CHODL: variants seen among roughly 807,000 people sequenced by gnomAD.
CHODL encodes chondrolectin.
Under a neutral mutation model 34.5 loss-of-function variants are expected in CHODL, and 29 were observed. The observed-to-expected ratio is 0.84, with a 90% CI of 0.63 to 1.15. The LOEUF is 1.15. CHODL is among the 50% of genes most tolerant of loss of function. The pLI is 0.00. For missense variants in CHODL, 332 were observed against 332.5 expected (o/e 1.00, Z 0.01); for synonymous variants, 125 against 116.1 (o/e 1.08, Z -0.49).
chr21:18,006,732 G>C (rs1646107797), intron 1 of CHODL, among the ~76,000 whole-genome samples: 1 of 152,166 alleles, frequency 6.6e-6, no homozygotes, highest in Non-Finnish European at 1.5e-5. Flanking sequence ...ATCTTTTGAA[G>C]AGATTTCATG....
At chr21:18,225,028 G>A (rs1031763435) in intron 2 of CHODL, among the ~76,000 whole-genome samples, 6 of 152,042 alleles carry the variant, frequency 3.9e-5, no homozygotes, top group African/African-American at 1.2e-4. Flanking sequence ...TTTTCAATAG[G>A]TGTGTTTCCT....
chr21:18,049,732 A>T (rs2064489769), intron 2 of CHODL, among the ~76,000 whole-genome samples: 2 of 151,944 alleles, frequency 1.3e-5, no homozygotes, highest in Non-Finnish European at 1.5e-5. Context: ...TTATAAGAAC[A>T]TCAGTCGGAT....
intron 2 of CHODL, among the ~76,000 whole-genome samples, chr21:18,132,017 G>A (rs1167248388): frequency 1.3e-5 from 2 of 151,954 alleles, no homozygotes; most frequent in Non-Finnish European, 2.9e-5. Context: ...TACAGAAAGA[G>A]CATTTTTCAT....
chr21:18,074,806 A>T (rs547257225), intron 2 of CHODL, among the ~76,000 whole-genome samples: 16 of 152,298 alleles, frequency 1.1e-4, no homozygotes, highest in Non-Finnish European at 1.8e-4. Flanking sequence ...CAAAGTTTAG[A>T]TTAAAAATGT....
chr21:18,092,424 G>A (rs1386234938), intron 2 of CHODL, among the ~76,000 whole-genome samples: 1 of 152,194 alleles, frequency 6.6e-6, no homozygotes, highest in Non-Finnish European at 1.5e-5. Flanking sequence ...CCCAGACAAT[G>A]AAGAATATAT....
At chr21:18,189,172 G>C (rs781184081) in intron 2 of CHODL, among the ~76,000 whole-genome samples, 6 of 152,000 alleles carry the variant, frequency 3.9e-5, no homozygotes, top group Non-Finnish European at 8.8e-5. Flanking sequence ...TCCATTTTGA[G>C]TTGCACAATT....
At chr21:18,073,307 A>G (rs2064827830) in intron 2 of CHODL, among the ~76,000 whole-genome samples, 1 of 152,144 alleles carries the variant, frequency 6.6e-6, no homozygotes. Flanking sequence ...AATGACATCC[A>G]TAAGGTGAAT....
chr21:18,116,721 G>T (rs978165184), intron 2 of CHODL, among the ~76,000 whole-genome samples: 4 of 152,190 alleles, frequency 2.6e-5, no homozygotes, highest in Non-Finnish European at 5.9e-5. Context: ...CCACGCAGTT[G>T]ACATGGGTGC....
intron 1 of CHODL, among the ~76,000 whole-genome samples, chr21:18,023,834 A>G (rs767473991): frequency 6.6e-6 from 1 of 152,126 alleles, no homozygotes; most frequent in Non-Finnish European, 1.5e-5. Context: ...AACAGTATAC[A>G]TATGGCTTTC....
intron 1 of CHODL, among the ~76,000 whole-genome samples, chr21:17,938,362 G>C (rs576357916): frequency 6.9e-6 from 1 of 144,790 alleles, no homozygotes; most frequent in African/African-American, 2.6e-5. Context: ...AGTAGATACA[G>C]TTGAATAAAA....
intron 1 of CHODL, among the ~76,000 whole-genome samples, chr21:17,933,807 A>T (rs8126658): frequency 6.6e-6 from 1 of 151,748 alleles, no homozygotes; most frequent in Non-Finnish European, 1.5e-5. Context: ...TTGGGAGGCC[A>T]AGGTGGGTGC....
At chr21:18,104,986 C>G (rs1315106993) in intron 2 of CHODL, among the ~76,000 whole-genome samples, 5 of 152,146 alleles carry the variant, frequency 3.3e-5, no homozygotes, top group Non-Finnish European at 7.4e-5. Context: ...TTTGGCTGCC[C>G]AGCAGCTGAC....
intron 1 of CHODL, among the ~76,000 whole-genome samples, chr21:17,967,605 T>C (rs1424177636): frequency 2.0e-5 from 3 of 152,228 alleles, no homozygotes; most frequent in African/African-American, 4.8e-5. Flanking sequence ...TGTAGTAACA[T>C]GTTACCTCAA....
chr21:18,100,412 A>G (rs2065198789), intron 2 of CHODL, among the ~76,000 whole-genome samples: 1 of 152,122 alleles, frequency 6.6e-6, no homozygotes, highest in Admixed American at 6.6e-5. Flanking sequence ...AAGTAGGAAT[A>G]TAACTAGACT....
intron 2 of CHODL, among the ~76,000 whole-genome samples, chr21:18,042,398 C>T (rs561628198): frequency 1.3e-5 from 2 of 151,742 alleles, no homozygotes; most frequent in Non-Finnish European, 2.9e-5. Context: ...AAGAGACATG[C>T]TTGGTTTTCA....
At position 18,171,198 on chromosome 21, in the gene CHODL, G is replaced by GTTTTTTTT. The variant is rs1177005708; in HGVS notation, c.-44-85299_-44-85292dup. On this transcript the variant is annotated intron_variant, in intron 2 of 6. Coordinates refer to the CHODL transcript ENST00000400127. ...TGTTCTTCAGACATGGTTTTCTTTA[G>GTTTTTTTT]TTTTTTTTTTTTTTTTTTTGAGACG... 8.1e-5 allele frequency among the ~76,000 whole-genome samples: 3 copies of GTTTTTTTT among 37,080 alleles called. 1 individual carries two copies. Among genetic ancestry groups the GTTTTTTTT allele is most frequent in the African/African-American group, 4.3e-4 (3 of 6,940 alleles). 24.3% of individuals were successfully genotyped at this position (37,080 alleles called of 152,430 possible). A position where few individuals can be genotyped will look rare whatever the true frequency, so the allele number is the denominator to read the frequency against.
chr21:18,166,409 A>G (rs1455637126), intron 2 of CHODL, among the ~76,000 whole-genome samples: 3 of 152,230 alleles, frequency 2.0e-5, no homozygotes, highest in African/African-American at 7.2e-5. Context: ...GCCATGTAAC[A>G]TGGTACAATC....
intron 2 of CHODL, among the ~76,000 whole-genome samples, chr21:18,098,352 A>C (rs564565193): frequency 6.6e-6 from 1 of 152,024 alleles, no homozygotes; most frequent in African/African-American, 2.4e-5. Context: ...GGGCCTCAAT[A>C]ACTCTATAGG....
At chr21:18,158,386 T>G (rs1373340988) in intron 2 of CHODL, among the ~76,000 whole-genome samples, 2 of 152,228 alleles carry the variant, frequency 1.3e-5, no homozygotes, top group African/African-American at 2.4e-5. Flanking sequence ...TTATTGATGT[T>G]GCTTTGCGAG....
Sources: allele counts gnomAD v4.1 joint callset (sites outside exome capture counted in the v4.1 genomes callset), GRCh38; gene constraint gnomAD v4.1.1; transcripts MANE v1.5; gene names NCBI Gene and HGNC (gene_info 2026-07-23, HGNC 2026-07-21).